The following VILL variants were observed in gnomAD, a reference collection of about 807,000 sequenced individuals.
VILL encodes villin-like protein.
Under a neutral mutation model 106.3 loss-of-function variants are expected in VILL, and 102 were observed. That is an observed-to-expected ratio of 0.96 (90% CI 0.82 to 1.13). The LOEUF (loss-of-function observed/expected upper bound fraction) is 1.13, where lower values mean the gene tolerates loss of function less well. Ranked by LOEUF, VILL falls within the 50% of genes most tolerant of loss-of-function variation. VILL has a pLI of 0.00. For synonymous variants in VILL, 431 were observed against 440.3 expected (o/e 0.98, Z 0.27); for missense variants, 1,076 against 1,116.6 (o/e 0.96, Z 0.52).
chr3:38,005,886 C>T lies in VILL; in HGVS notation c.2045C>T (p.Pro682Leu), dbSNP rs201665529. Residue 682 changes from proline to leucine, a missense_variant, in exon 17 of 20, where the codon CCG becomes CTG. Pro to Leu is a moderately conservative substitution (Grantham distance 98, BLOSUM62 -3). Coordinates refer to ENST00000383759, the MANE Select transcript of VILL (RefSeq NM_015873.4). ...AAGACTCACCCAGCAGGGAGGAGCC[C>T]GGCCACACCCATCGTGCTGGTCAAG... ...YLKTHPAGRS[P>L]ATPIVLVKQG... is the part of the protein sequence containing the mutation. 24 of 1,614,148 alleles carry T rather than the reference C, an allele frequency of 1.5e-5. No individual in the cohort carries two copies. The highest frequency in any genetic ancestry group is 1.3e-4 in the East Asian group (6 of 44,876).
chr3:37,996,177 A>G (rs1364522495), intron 5 of VILL, among the ~76,000 whole-genome samples: 1 of 152,162 alleles, frequency 6.6e-6, no homozygotes, highest in Non-Finnish European at 1.5e-5. Context: ...GTGACAGAGA[A>G]AGACCCTGTC....
chr3:38,002,233 A>G (rs753093497), intron 13 of VILL, 163 bp from the exon 14 acceptor site: 1 of 666,958 alleles, frequency 1.5e-6, no homozygotes, highest in Non-Finnish European at 2.5e-6. Flanking sequence ...GGATTCCTGC[A>G]CTCCACACTT....
Position 38,001,754 on chromosome 3 carries a change from A to G in VILL, c.1373A>G (p.Glu458Gly), listed in dbSNP as rs1236116655. Residue 458 changes from glutamate to glycine, a missense_variant, in exon 13 of 20, where the codon GAA becomes GGA. Glu to Gly is a moderately conservative substitution (Grantham distance 98). Transcript: ENST00000383759. ...EIEALNSNAE[E>G]LDVMYGGVLV... ...GAGGCCCTGAACAGCAACGCTGAGG[A>G]ACTAGATGTCATGTATGGTGGCGTC... 11 of 1,614,228 alleles carry G rather than the reference A, an allele frequency of 6.8e-6. No individual in the cohort carries two copies. In the East Asian group the frequency reaches 2.5e-4, roughly 36 times the overall value.
In VILL at chr3:37,998,070, C is replaced by G. The variant is rs1352205224; in HGVS notation, c.765-20C>G. 1 of 1,591,072 alleles carries G rather than the reference C, an allele frequency of 6.3e-7. No homozygotes were observed. The highest frequency in any genetic ancestry group is 1.3e-5 in the African/African-American group (1 of 74,198). ...CAGGGAGGGGCTGGGCTGGCCACTC[C>G]TGGGTTCCTGTCCCCCCAGTGTCTA... On this transcript the variant is annotated intron_variant, in intron 7 of 19. Transcript: ENST00000383759. The surrounding 1 kb of genome is among the most constrained non-coding windows in gnomAD (Gnocchi z 4.1).
At position 37,999,431 on chromosome 3, in the gene VILL, A is replaced by G. The variant is rs556928529; in HGVS notation, c.1174A>G (p.Lys392Glu). ...CAGGATGGTGGACGACGGCTCTGGG[A>G]AGGTGGAGGTGAGGGGTACTGGGTT... ...QLRMVDDGSG[K>E]VEVWCIQDLH... The change falls in exon 11 of 20, where the codon AAG becomes GAG. Residue 392 changes from lysine (K) to glutamate (E), a missense_variant. By Grantham distance (56) the Lys-to-Glu change is moderately conservative. Coordinates refer to ENST00000383759, the MANE Select transcript of VILL (RefSeq NM_015873.4). The G allele has an allele frequency of 3.3e-5, 49 of 1,481,980 alleles. No homozygotes were observed. The highest frequency in any genetic ancestry group is 1.8e-4 in the Middle Eastern group (1 of 5,540). 91.8% of individuals were successfully genotyped at this position (1,481,980 alleles called of 1,614,324 possible).
chr3:38,004,537 C>A, intron 16 of VILL, 138 bp downstream of exon 16: 1 of 1,112,790 alleles, frequency 9.0e-7, no homozygotes, highest in Non-Finnish European at 1.3e-6. Context: ...TGAGCAATTG[C>A]ATTGCGGTGC....
Position 37,999,345 on chromosome 3 carries a change from C to A in VILL, c.1088C>A (p.Ser363Ter). 2 of 1,513,894 alleles carry A rather than the reference C, an allele frequency of 1.3e-6. No individual in the cohort carries two copies. Among genetic ancestry groups the A allele is most frequent in the Non-Finnish European group, 8.8e-7 (1 of 1,133,112 alleles). The allele number at this position is 1,513,894 out of a possible 1,614,324, so 93.8% of individuals were successfully genotyped here. The stretch of plus-strand genomic sequence containing the variant: ...CCTACTGTCCCCCCTTCAGATAAAT[C>A]GATTCATGTAAAGCTGGACGTGGGC... ...RNQKLGGRDK[S>*]IHVKLDVGKL... The change falls in exon 11 of 20, where the codon TCG (serine) becomes TAG (stop). Residue 363 changes from serine (S) to a stop codon, truncating the protein, a stop_gained. Coordinates refer to ENST00000383759, the MANE Select transcript of VILL (RefSeq NM_015873.4). LOFTEE classifies it high-confidence loss of function.
At chr3:37,999,252 T>C (rs1699768664) in intron 10 of VILL, 87 bp from the exon 11 acceptor site, 2 of 849,032 alleles carry the variant, frequency 2.4e-6, no homozygotes, top group Admixed American at 7.8e-5. Context: ...CCTGGAATCT[T>C]GGAGGGATGG....
chr3:37,994,561 G>A (rs1177983545), intron 4 of VILL, 95 bp downstream of exon 4: 3 of 1,434,282 alleles, frequency 2.1e-6, no homozygotes, highest in African/African-American at 2.9e-5. Flanking sequence ...TCCCTGAATG[G>A]GGCAAGCCGG....
rs1023895426 is a variant in VILL at position 37,995,724 on chromosome 3, C to T, written c.342-15C>T. 1 of 1,605,120 alleles carries T rather than the reference C, an allele frequency of 6.2e-7. No individual in the cohort carries two copies. The highest frequency in any genetic ancestry group is 1.3e-5 in the African/African-American group (1 of 74,884). On this transcript the variant is annotated splice_polypyrimidine_tract_variant and intron_variant, in intron 4 of 19. Transcript: ENST00000383759. The stretch of plus-strand genomic sequence containing the variant: ...TACACAGAATGTATATACCCTCCTG[C>T]TATTCCCACCTCAGCTACAGGAAGG...
At chr3:37,992,330 T>C (rs1699622164) in intron 1 of VILL, among the ~76,000 whole-genome samples, 2 of 152,194 alleles carry the variant, frequency 1.3e-5, no homozygotes, top group Admixed American at 1.3e-4. Flanking sequence ...CCTCACGTTT[T>C]CTGTTGCTTG....
intron 5 of VILL, 83 bp from the exon 6 acceptor site, chr3:37,996,994 G>A (rs1183023241): frequency 4.0e-6 from 5 of 1,237,326 alleles, no homozygotes; most frequent in Middle Eastern, 2.2e-4. Flanking sequence ...ACAGCTTCAT[G>A]CACACGTGAC....
chr3:37,998,023 T>A lies in VILL; in HGVS notation c.765-67T>A, dbSNP rs1699737092. The stretch of plus-strand genomic sequence containing the variant: ...TGAGGGACTGGGGTGGGGTCCTAAA[T>A]GGGGCTGGAGTGGAGACAGATCAGG... On this transcript the variant is annotated intron_variant, in intron 7 of 19. Transcript: ENST00000383759. The surrounding 1 kb of genome is among the most constrained non-coding windows in gnomAD (Gnocchi z 4.1). 1.3e-6 allele frequency: 2 copies of A among 1,488,132 alleles called. No homozygotes were observed. The highest frequency in any genetic ancestry group is 1.2e-5 in the South Asian group (1 of 81,834). The allele number at this position is 1,488,132 out of a possible 1,614,324, so 92.2% of individuals were successfully genotyped here. A position where few individuals can be genotyped will look rare whatever the true frequency, so the allele number is the denominator to read the frequency against.
At chr3:37,994,161 C>T (rs1003769263) in intron 3 of VILL, 100 bp from the exon 4 acceptor site, 2 of 1,468,270 alleles carry the variant, frequency 1.4e-6, no homozygotes, top group Non-Finnish European at 1.9e-6. Flanking sequence ...CGCGGAAGCC[C>T]CTGCCTAGCG....
chr3:38,003,344 C>T lies in VILL; in HGVS notation c.1805+31C>T, dbSNP rs896355973. ...AGGGTTGGGAGGAGAGTGTTCTTAC[C>T]CAGAGGAGGAATTGAGGCCCAGAGA... On this transcript the variant is annotated intron_variant, in intron 15 of 19. Transcript: ENST00000383759. 3 of 1,570,356 alleles carry T rather than the reference C, an allele frequency of 1.9e-6. No individual in the cohort carries two copies. The South Asian group carries it at 3.5e-5, about 18-fold the overall frequency.
At chr3:37,992,675 C>T (rs780943796) in intron 1 of VILL, among the ~76,000 whole-genome samples, 14 of 152,242 alleles carry the variant, frequency 9.2e-5, no homozygotes, top group Admixed American at 6.5e-5. Flanking sequence ...TGAGCTGTGA[C>T]GGACCCAGCT....
At chr3:38,004,439 GGT>G in intron 16 of VILL, 40 bp downstream of exon 16, 2 of 1,588,016 alleles carry the variant, frequency 1.3e-6, no homozygotes, top group South Asian at 2.2e-5. Context: ...TGTGAACGGG[GGT>G]GTGTTTCTGT....
chr3:38,006,148 T>C, intron 17 of VILL, 33 bp from the exon 18 acceptor site: 2 of 1,614,100 alleles, frequency 1.2e-6, no homozygotes, highest in Non-Finnish European at 1.7e-6. Flanking sequence ...TCTCCTGCCC[T>C]GGCCCTGATA....
Position 37,999,396 on chromosome 3 carries a change from C to A in VILL, c.1139C>A (p.Ala380Glu), listed in dbSNP as rs540127836. The change falls in exon 11 of 20, where the codon GCG becomes GAG. Residue 380 changes from alanine to glutamate, a missense_variant. Coordinates refer to ENST00000383759, the MANE Select transcript of VILL (RefSeq NM_015873.4). ...AAGCTGCACACCCAGCCTAAGTTAGCGGCCCAGCTCAGGATGGTGGACGAC... is the reference window on the plus strand; with the variant it reads ...AAGCTGCACACCCAGCCTAAGTTAGAGGCCCAGCTCAGGATGGTGGACGAC... ...VGKLHTQPKLAAQLRMVDDGS... is the reference protein window; with the variant it reads ...VGKLHTQPKLEAQLRMVDDGS... 4.0e-6 allele frequency: 6 copies of A among 1,497,294 alleles called. No homozygotes were observed. In the South Asian group the frequency reaches 6.8e-5, roughly 17 times the overall value. 92.8% of individuals were successfully genotyped at this position (1,497,294 alleles called of 1,614,324 possible).
Sources: allele counts gnomAD v4.1 joint callset (sites outside exome capture counted in the v4.1 genomes callset), GRCh38; gene constraint gnomAD v4.1.1; non-coding constraint Gnocchi (gnomAD v3.1); transcripts MANE v1.5; gene names NCBI Gene and HGNC (gene_info 2026-07-23, HGNC 2026-07-21).